DTD1: variants seen among roughly 807,000 people sequenced by gnomAD.
DTD1 encodes D-tyrosyl-tRNA deacylase 1 homolog.
In DTD1, 13 loss-of-function variants were observed where a neutral mutation model predicts 25.6. The observed-to-expected ratio is 0.51, with a 90% CI of 0.33 to 0.81. DTD1 has a LOEUF of 0.81. Ranked by LOEUF, DTD1 falls within the 30% of genes least tolerant of loss-of-function variation. The pLI is 0.02. For synonymous variants in DTD1, 110 were observed against 103.6 expected (o/e 1.06, Z -0.37); for missense variants, 193 against 266.4 (o/e 0.72, Z 1.92).
rs536560639 is a variant in DTD1, at chr20:18,714,988, C to T, written c.478-29112C>T. On this transcript the variant is annotated intron_variant, in intron 4 of 5. Transcript: ENST00000377452. ...GAAGTCTCTGGTTCCAGTGCACAGG[C>T]CTTTCCTAGATTCTAGGCTGTGCAG... Among the ~76,000 whole-genome samples, 131 of 152,240 alleles carry T rather than the reference C, an allele frequency of 8.6e-4. 1 individual carries two copies. Among genetic ancestry groups the T allele is most frequent in the Non-Finnish European group, 2.9e-5 (2 of 68,012 alleles).
chr20:18,713,755 C>A (rs1284130808), intron 4 of DTD1, among the ~76,000 whole-genome samples: 1 of 152,144 alleles, frequency 6.6e-6, no homozygotes, highest in African/African-American at 2.4e-5. Flanking sequence ...TATAGTTATC[C>A]CCATTCTTGA....
chr20:18,634,442 G>C (rs893854985), intron 4 of DTD1, among the ~76,000 whole-genome samples: 1 of 152,190 alleles, frequency 6.6e-6, no homozygotes, highest in Non-Finnish European at 1.5e-5. Context: ...AAATTGAAAT[G>C]CTGGAAGGAG....
intron 5 of DTD1, among the ~76,000 whole-genome samples, chr20:18,761,299 C>G (rs564677241): frequency 8.5e-5 from 13 of 152,110 alleles, no homozygotes; most frequent in African/African-American, 3.1e-4. Flanking sequence ...AGAAATCATT[C>G]GTCTTCTGCG....
At chr20:18,739,356 T>G (rs1431434915) in intron 4 of DTD1, among the ~76,000 whole-genome samples, 3 of 152,148 alleles carry the variant, frequency 2.0e-5, no homozygotes, top group Non-Finnish European at 2.9e-5. Flanking sequence ...CATATTCCAG[T>G]CCCCCCTCTT....
intron 3 of DTD1, among the ~76,000 whole-genome samples, chr20:18,615,283 A>G (rs6045508): frequency 0.51 from 77,611 of 152,134 alleles, 20,175 homozygotes; most frequent in Middle Eastern, 0.57. Context: ...CTCAAAGGGT[A>G]GAACTTTCCT....
intron 4 of DTD1, among the ~76,000 whole-genome samples, chr20:18,644,834 C>T (rs1226065594): frequency 6.6e-6 from 1 of 152,094 alleles, no homozygotes; most frequent in African/African-American, 2.4e-5. Flanking sequence ...GGTCAGAGCT[C>T]AGCTTACTTT....
In DTD1 at chr20:18,649,404, T is replaced by A. The variant is rs2122351908; in HGVS notation, c.477+21171T>A. 2.2e-5 allele frequency among the ~76,000 whole-genome samples: 3 copies of A among 133,794 alleles called. No individual in the cohort carries two copies. The South Asian group carries it at 7.6e-4, about 34-fold the overall frequency. 87.8% of individuals were successfully genotyped at this position (133,794 alleles called of 152,430 possible). On this transcript the variant is annotated intron_variant, in intron 4 of 5. Coordinates refer to ENST00000377452, the MANE Select transcript of DTD1 (RefSeq NM_080820.6). ...CCCAGGATGGAGTGCAGTGGCGCGA[T>A]CTCCGCTCACTGCAACATCCGCCTC...
At chr20:18,648,876 G>A (rs1204551717) in intron 4 of DTD1, among the ~76,000 whole-genome samples, 3 of 150,752 alleles carry the variant, frequency 2.0e-5, no homozygotes, top group African/African-American at 7.3e-5. Context: ...GGGGCTTGTA[G>A]TCCCAGCTAC....
intron 4 of DTD1, among the ~76,000 whole-genome samples, chr20:18,743,425 G>C (rs1411425570): frequency 6.6e-6 from 1 of 152,174 alleles, no homozygotes; most frequent in Non-Finnish European, 1.5e-5. Flanking sequence ...GTGGCATGGT[G>C]GCTCACACCT....
rs144383300 is a variant in DTD1, at chr20:18,607,817, G to A, written c.370+11576G>A. Among the ~76,000 whole-genome samples, 108 of 151,928 alleles carry A rather than the reference G, an allele frequency of 7.1e-4. 2 individuals carry two copies. The East Asian group carries it at 0.019, about 27-fold the overall frequency. Reference sequence around the variant, plus strand: ...CACCCTCTGCCTCCCAGGTTCAAGCGATTCTCCTGTCTCAGCCTTTTGAGT... The same window carrying A: ...CACCCTCTGCCTCCCAGGTTCAAGCAATTCTCCTGTCTCAGCCTTTTGAGT... On this transcript the variant is annotated intron_variant, in intron 3 of 5. Coordinates refer to ENST00000377452, the MANE Select transcript of DTD1 (RefSeq NM_080820.6).
chr20:18,658,071 T>C (rs2060897005), intron 4 of DTD1, among the ~76,000 whole-genome samples: 2 of 152,196 alleles, frequency 1.3e-5, no homozygotes, highest in Non-Finnish European at 2.9e-5. Flanking sequence ...GGCTCTGTGA[T>C]ACTAAATAGG....
intron 4 of DTD1, among the ~76,000 whole-genome samples, chr20:18,742,446 G>T (rs527247522): frequency 6.6e-6 from 1 of 152,174 alleles, no homozygotes; most frequent in Non-Finnish European, 1.5e-5. Flanking sequence ...CAGGAGGTGA[G>T]CAGCCTATGA....
intron 4 of DTD1, among the ~76,000 whole-genome samples, chr20:18,676,890 C>A (rs918336882): frequency 1.6e-4 from 24 of 152,086 alleles, no homozygotes; most frequent in African/African-American, 5.6e-4. Context: ...CATATCAAGC[C>A]CCCCAAAAGG....
At chr20:18,589,218 G>T (rs1284313934) in intron 1 of DTD1, among the ~76,000 whole-genome samples, 3 of 149,660 alleles carry the variant, frequency 2.0e-5, no homozygotes, top group Non-Finnish European at 4.4e-5. Context: ...GGGAGCGGTG[G>T]TTGGTGCCTA....
chr20:18,724,276 G>A (rs6136496), intron 4 of DTD1, among the ~76,000 whole-genome samples: 52,863 of 152,080 alleles, frequency 0.35, 9,519 homozygotes, highest in Non-Finnish European at 0.4. Flanking sequence ...AGAAGGTGGG[G>A]CAGCGTGGGC....
chr20:18,719,331 A>G (rs1175383458), intron 4 of DTD1, among the ~76,000 whole-genome samples: 1 of 152,104 alleles, frequency 6.6e-6, no homozygotes, highest in African/African-American at 2.4e-5. Context: ...CCTATTTCCT[A>G]AAAGTATATT....
intron 4 of DTD1, among the ~76,000 whole-genome samples, chr20:18,689,654 A>AT (rs775408214): frequency 5.5e-4 from 83 of 152,270 alleles, no homozygotes; most frequent in Non-Finnish European, 8.8e-4. Context: ...AATAAAAACC[A>AT]TAATGACTTT....
At chr20:18,727,170 G>A (rs1325701454) in intron 4 of DTD1, among the ~76,000 whole-genome samples, 5 of 152,234 alleles carry the variant, frequency 3.3e-5, no homozygotes, top group Admixed American at 2.0e-4. Flanking sequence ...GGAGCAGAGG[G>A]GCCTGCCTGA....
chr20:18,715,743 A>T (rs2061177691), intron 4 of DTD1, among the ~76,000 whole-genome samples: 1 of 152,112 alleles, frequency 6.6e-6, no homozygotes, highest in Admixed American at 6.5e-5. Flanking sequence ...AATTATTTGG[A>T]CTCACATGGA....
Sources: gnomAD v4.1 joint callset for allele counts (sites outside exome capture counted in the v4.1 genomes callset) on GRCh38, gnomAD v4.1.1 for gene constraint, MANE v1.5 for transcripts, NCBI Gene and HGNC (gene_info 2026-07-23, HGNC 2026-07-21) for gene names.